RAB3GAP1: variants seen among roughly 807,000 people sequenced by gnomAD.
The protein encoded by RAB3GAP1 is rab3 GTPase-activating protein catalytic subunit.
A neutral mutation model predicts 130.7 loss-of-function variants in RAB3GAP1; 86 were observed. The observed-to-expected ratio is 0.66, with a 90% confidence interval of 0.55 to 0.79. The LOEUF (loss-of-function observed/expected upper bound fraction) is 0.79. RAB3GAP1 is among the 30% of genes least tolerant of loss of function. RAB3GAP1 has a pLI of 0.00. For missense variants in RAB3GAP1, 1,029 were observed against 1,169.4 expected, an observed-to-expected ratio of 0.88 and a Z score of 1.75; for synonymous variants, 367 against 401.7, an observed-to-expected ratio of 0.91 and a Z score of 1.03.
At chr2:135,069,216 T>TGA (rs1382900136) in intron 3 of RAB3GAP1, among the ~76,000 whole-genome samples, 1 of 152,198 alleles carries the variant, frequency 6.6e-6, no homozygotes, top group South Asian at 2.1e-4. Flanking sequence ...ACTTGTCATG[T>TGA]TCCCTTTGTA....
At chr2:135,053,278 AC>A (rs1688929662) in intron 2 of RAB3GAP1, among the ~76,000 whole-genome samples, 1 of 152,196 alleles carries the variant, frequency 6.6e-6, no homozygotes, top group Admixed American at 6.5e-5. Context: ...TTTTAGAATA[AC>A]CTTTTTAAAA....
intron 18 of RAB3GAP1, among the ~76,000 whole-genome samples, chr2:135,151,890 C>T (rs948683498): frequency 1.3e-5 from 2 of 152,166 alleles, no homozygotes; most frequent in South Asian, 2.1e-4. Flanking sequence ...ATAGGAACTA[C>T]GGAAGTTTTT....
rs568913375 is a variant in RAB3GAP1, at chr2:135,062,526, A to G, written c.150+4440A>G. On this transcript the variant is annotated intron_variant, in intron 3 of 23. Coordinates refer to ENST00000264158, the MANE Select transcript of RAB3GAP1 (RefSeq NM_012233.3). ...AAGATTTTAGATCTTTTGTGTTTCA[A>G]TTATGAATTTTAGAATAGGCTTGCT... Among the ~76,000 whole-genome samples, 7 of 152,336 alleles carry G rather than the reference A, an allele frequency of 4.6e-5. No individual in the cohort carries two copies. In the South Asian group the frequency reaches 1.4e-3, roughly 32 times the overall value.
At chr2:135,173,893 TG>T (rs1391947165), downstream of RAB3GAP1, among the ~76,000 whole-genome samples, 2 of 152,192 alleles carry the variant, frequency 1.3e-5, no homozygotes, top group Non-Finnish European at 2.9e-5. Flanking sequence ...GATGCCTCTA[TG>T]GCAAAAGAGG....
intron 17 of RAB3GAP1, among the ~76,000 whole-genome samples, chr2:135,145,571 T>C (rs1321462700): frequency 6.6e-6 from 1 of 152,226 alleles, no homozygotes; most frequent in African/African-American, 2.4e-5. Flanking sequence ...ATTTCTACCA[T>C]TTAGCATATG....
At chr2:135,105,356 C>T (rs1020765809) in intron 5 of RAB3GAP1, among the ~76,000 whole-genome samples, 3 of 151,214 alleles carry the variant, frequency 2.0e-5, no homozygotes, top group African/African-American at 4.9e-5. Flanking sequence ...CTCAGCCTGC[C>T]GAGTGCCTGG....
rs189003926 is a variant in RAB3GAP1 at position 135,058,431 on chromosome 2, G to A, written c.150+345G>A. 8 of 182,298 alleles carry A rather than the reference G, an allele frequency of 4.4e-5. No individual in the cohort carries two copies. In the East Asian group the frequency reaches 1.3e-3, roughly 29 times the overall value. 11.3% of individuals were successfully genotyped at this position (182,298 alleles called of 1,614,324 possible). A position where few individuals can be genotyped will look rare whatever the true frequency, so the allele number is the denominator to read the frequency against. On this transcript the variant is annotated intron_variant, in intron 3 of 23. Coordinates refer to ENST00000264158, the MANE Select transcript of RAB3GAP1 (RefSeq NM_012233.3). ...TTTTTAAAAGTTTTTTATTTGGTCA[G>A]AGAAACATTGCAGTGACCATCTTCT...
At chr2:135,151,289 C>T (rs540805796) in intron 18 of RAB3GAP1, among the ~76,000 whole-genome samples, 7 of 152,324 alleles carry the variant, frequency 4.6e-5, no homozygotes, top group African/African-American at 9.6e-5. Flanking sequence ...TATCCCCAGG[C>T]GCAGACTTCC....
At chr2:135,101,921 A>C (rs1380877173) in intron 5 of RAB3GAP1, among the ~76,000 whole-genome samples, 1 of 152,190 alleles carries the variant, frequency 6.6e-6, no homozygotes, top group African/African-American at 2.4e-5. Flanking sequence ...CTTTAACCGT[A>C]GCAAACATTT....
intron 13 of RAB3GAP1, among the ~76,000 whole-genome samples, chr2:135,131,481 C>T (rs955697101): frequency 4.6e-5 from 7 of 152,174 alleles, no homozygotes; most frequent in African/African-American, 9.7e-5. Flanking sequence ...CCGCCCGCCT[C>T]GGCCTCCCAA....
At position 135,118,044 on chromosome 2, in the gene RAB3GAP1, G is replaced by T. The variant is rs138411633; in HGVS notation, c.648+2663G>T. Among the ~76,000 whole-genome samples the T allele has an allele frequency of 2.7e-3, 410 of 152,102 alleles. 1 individual carries two copies. The highest frequency in any genetic ancestry group is 8.7e-3 in the African/African-American group (362 of 41,504). On this transcript the variant is annotated intron_variant, in intron 7 of 23. Transcript: ENST00000264158. Reference sequence around the variant, plus strand: ...ATCTTTGTATTTTTTGTAGAGACCAGCCTGTTGCTCATGCTGGTCTTCAAC... The same window carrying T: ...ATCTTTGTATTTTTTGTAGAGACCATCCTGTTGCTCATGCTGGTCTTCAAC...
At chr2:135,128,732 TG>T (rs1342099138) in intron 11 of RAB3GAP1, among the ~76,000 whole-genome samples, 4 of 152,244 alleles carry the variant, frequency 2.6e-5, no homozygotes, top group Non-Finnish European at 5.9e-5. Flanking sequence ...CAGAATTAGT[TG>T]GTGAATTATA....
chr2:135,074,031 G>A (rs2104846100), intron 3 of RAB3GAP1, among the ~76,000 whole-genome samples: 1 of 152,318 alleles, frequency 6.6e-6, no homozygotes, highest in Middle Eastern at 3.4e-3. Flanking sequence ...TGGCACTAGG[G>A]CCTTACACTG....
chr2:135,070,959 A>G (rs1689456578), intron 3 of RAB3GAP1, among the ~76,000 whole-genome samples: 1 of 152,236 alleles, frequency 6.6e-6, no homozygotes. Context: ...AACGTTTAAA[A>G]ATATTTTGGT....
chr2:135,148,425 A>G (rs868183949), intron 17 of RAB3GAP1, among the ~76,000 whole-genome samples: 14 of 151,876 alleles, frequency 9.2e-5, no homozygotes, highest in African/African-American at 2.9e-4. Context: ...ACTTTACCCC[A>G]ATATACTAGA....
intron 18 of RAB3GAP1, among the ~76,000 whole-genome samples, chr2:135,151,836 T>C (rs536304746): frequency 2.0e-5 from 3 of 152,344 alleles, no homozygotes; most frequent in Admixed American, 2.0e-4. Flanking sequence ...TTCCCTGTCC[T>C]GCTGCAGTGT....
intron 17 of RAB3GAP1, among the ~76,000 whole-genome samples, chr2:135,142,505 T>C (rs1364598991): frequency 4.6e-5 from 7 of 152,190 alleles, no homozygotes; most frequent in Non-Finnish European, 1.0e-4. Context: ...ATCTTTATGC[T>C]TTTGAATTAC....
chr2:135,174,592 G>A (rs536028512), downstream of RAB3GAP1, among the ~76,000 whole-genome samples: 3 of 152,324 alleles, frequency 2.0e-5, no homozygotes, highest in African/African-American at 4.8e-5. Flanking sequence ...GCCACAGGAC[G>A]ATTTGAGTAA....
At chr2:135,083,188 G>C (rs72978328) in intron 3 of RAB3GAP1, among the ~76,000 whole-genome samples, 6,079 of 152,002 alleles carry the variant, frequency 0.04, 421 homozygotes, top group African/African-American at 0.14. Flanking sequence ...ATATTCCATC[G>C]TAGGGGTATA....
Sources: allele counts gnomAD v4.1 joint callset (sites outside exome capture counted in the v4.1 genomes callset), GRCh38; gene constraint gnomAD v4.1.1; transcripts MANE v1.5; gene names NCBI Gene and HGNC (gene_info 2026-07-23, HGNC 2026-07-21).